The following PARD3B variants were observed in gnomAD, a reference collection of about 807,000 sequenced individuals.
PARD3B encodes par-3 family cell polarity regulator beta.
PARD3B carries 103 observed loss-of-function variants against 130.2 expected under a neutral mutation model. The ratio of observed to expected loss-of-function variants is 0.79; its 90% CI spans 0.67 to 0.93. PARD3B has a LOEUF of 0.93. Among genes scored for constraint, PARD3B ranks in the 40% least tolerant of loss-of-function variants. PARD3B has a pLI of 0.00. For synonymous variants in PARD3B, 583 were observed against 553.2 expected (o/e 1.05, Z -0.76); for missense variants, 1,609 against 1,499.2 (o/e 1.07, Z -1.21).
At chr2:204,703,875 A>G (rs1036513795) in intron 2 of PARD3B, among the ~76,000 whole-genome samples, 11 of 152,150 alleles carry the variant, frequency 7.2e-5, no homozygotes, top group Middle Eastern at 3.2e-3. Context: ...GCACATTTCT[A>G]TAATTTTTTT....
At chr2:205,381,609 C>T (rs1306119712) in intron 18 of PARD3B, among the ~76,000 whole-genome samples, 1 of 151,956 alleles carries the variant, frequency 6.6e-6, no homozygotes, top group African/African-American at 2.4e-5. Flanking sequence ...AGCGTTAATG[C>T]CAGTCTTCCC....
chr2:204,632,666 C>T (rs2034722747), intron 1 of PARD3B, among the ~76,000 whole-genome samples: 2 of 152,144 alleles, frequency 1.3e-5, no homozygotes, highest in South Asian at 4.1e-4. Flanking sequence ...GCTCACGAGA[C>T]GATCTCCTGT....
intron 2 of PARD3B, among the ~76,000 whole-genome samples, chr2:204,938,678 A>G (rs1264358386): frequency 1.3e-5 from 2 of 152,340 alleles, no homozygotes; most frequent in East Asian, 3.9e-4. Context: ...CCATTCCTCA[A>G]TATCACCCTA....
intron 2 of PARD3B, among the ~76,000 whole-genome samples, chr2:204,936,348 A>G (rs7596922): frequency 0.21 from 32,257 of 152,176 alleles, 3,615 homozygotes; most frequent in African/African-American, 0.24. Flanking sequence ...AAAACAGTAC[A>G]TTACTTATAA....
intron 1 of PARD3B, among the ~76,000 whole-genome samples, chr2:204,562,190 G>A (rs1260267777): frequency 6.6e-6 from 1 of 152,086 alleles, no homozygotes; most frequent in East Asian, 1.9e-4. Context: ...AAAGTAGTTG[G>A]GGTGTGCTAA....
chr2:204,942,575 A>C (rs1688985453), intron 2 of PARD3B, among the ~76,000 whole-genome samples: 1 of 152,082 alleles, frequency 6.6e-6, no homozygotes, highest in South Asian at 2.1e-4. Context: ...AAATTTGGAC[A>C]TCGTAACAAA....
intron 3 of PARD3B, among the ~76,000 whole-genome samples, chr2:205,008,024 TA>T (rs1695418377): frequency 1.3e-5 from 2 of 152,320 alleles, no homozygotes; most frequent in Admixed American, 1.3e-4. Context: ...TATAGCACTT[TA>T]TTTTTTTTGA....
At position 205,028,948 on chromosome 2, in the gene PARD3B, A is replaced by G. The variant is rs549099082; in HGVS notation, c.395-18633A>G. 2.6e-5 allele frequency among the ~76,000 whole-genome samples: 4 copies of G among 152,294 alleles called. No homozygotes were observed. The East Asian group carries it at 5.8e-4, about 22-fold the overall frequency. On this transcript the variant is annotated intron_variant, in intron 3 of 22. Coordinates refer to ENST00000406610, the MANE Select transcript of PARD3B (RefSeq NM_001302769.2). ...ATTTACAATAGCATCAAAAAGAGTT[A>G]AACATTTGGGAATAGATTGTAATCT...
chr2:205,089,046 C>A (rs1701926185), intron 4 of PARD3B, among the ~76,000 whole-genome samples: 1 of 151,954 alleles, frequency 6.6e-6, no homozygotes, highest in Non-Finnish European at 1.5e-5. Context: ...CGTGATCCAC[C>A]TGCCTTGGCC....
At position 205,015,428 on chromosome 2, in the gene PARD3B, A is replaced by G. The variant is rs551326063; in HGVS notation, c.395-32153A>G. 5.5e-4 allele frequency among the ~76,000 whole-genome samples: 84 copies of G among 152,328 alleles called. No individual in the cohort carries two copies. Among genetic ancestry groups the G allele is most frequent in the African/African-American group, 1.9e-3 (77 of 41,568 alleles). On this transcript the variant is annotated intron_variant, in intron 3 of 22. Coordinates refer to ENST00000406610, the MANE Select transcript of PARD3B (RefSeq NM_001302769.2). The surrounding 1 kb of genome is among the most constrained non-coding windows in gnomAD (Gnocchi z 4.5). ...CTCGAACCTGTGTTGTTCAAGGGTC[A>G]ACCATACTGACATGTTTACATGTAT...
chr2:204,640,716 G>A (rs2035046762), intron 1 of PARD3B, among the ~76,000 whole-genome samples: 1 of 152,010 alleles, frequency 6.6e-6, no homozygotes, highest in African/African-American at 2.4e-5. Flanking sequence ...CCAGGTCCCT[G>A]ACTGATAGAC....
chr2:204,734,508 C>T (rs2039659088), intron 2 of PARD3B, among the ~76,000 whole-genome samples: 1 of 152,126 alleles, frequency 6.6e-6, no homozygotes, highest in Non-Finnish European at 1.5e-5. Flanking sequence ...ACCCAAATAT[C>T]CGTCACCTGG....
In PARD3B at chr2:205,241,785, C is replaced by T. The variant is rs957769136; in HGVS notation, c.2141-3993C>T. On this transcript the variant is annotated intron_variant, in intron 15 of 22. Transcript: ENST00000406610. This position sits in a 1 kb window ranked among gnomAD's most constrained non-coding sequence, Gnocchi z 4.2. Reference sequence around the variant, plus strand: ...AATAAGTCCTTTGTTTAAAATGACACACCTGTCACATTTCATATCACTACC... The same window carrying T: ...AATAAGTCCTTTGTTTAAAATGACATACCTGTCACATTTCATATCACTACC... Among the ~76,000 whole-genome samples, 2 of 152,236 alleles carry T rather than the reference C, an allele frequency of 1.3e-5. No individual in the cohort carries two copies. The highest frequency in any genetic ancestry group is 1.9e-4 in the East Asian group (1 of 5,180).
In PARD3B at chr2:205,363,124, C is replaced by T. The variant is rs114923844; in HGVS notation, c.2631-37889C>T. Among the ~76,000 whole-genome samples the T allele has an allele frequency of 6.1e-3, 934 of 152,218 alleles. 4 individuals carry two copies. The highest frequency in any genetic ancestry group is 9.9e-3 in the Non-Finnish European group (674 of 68,004). On this transcript the variant is annotated intron_variant, in intron 18 of 22. Transcript: ENST00000406610. ...CGGTATTAAAATGCTGTGTTCTCTT[C>T]GAAATCAAGCACAGGAAGCCATCAG...
At chr2:205,133,136 G>A (rs978072892) in intron 10 of PARD3B, among the ~76,000 whole-genome samples, 1 of 152,110 alleles carries the variant, frequency 6.6e-6, no homozygotes, top group Admixed American at 6.6e-5. Context: ...GCCACAATGA[G>A]GGTTAGGATA....
At chr2:204,847,434 A>G (rs1298038485) in intron 2 of PARD3B, among the ~76,000 whole-genome samples, 1 of 152,200 alleles carries the variant, frequency 6.6e-6, no homozygotes, top group Non-Finnish European at 1.5e-5. Flanking sequence ...TAAATAGTAA[A>G]TACAGTTGTC....
intron 4 of PARD3B, among the ~76,000 whole-genome samples, chr2:205,076,161 G>A (rs148412402): frequency 6.0e-4 from 91 of 152,248 alleles, no homozygotes; most frequent in African/African-American, 2.1e-3. Context: ...TAGATTCACA[G>A]TGCAGGTTTA....
chr2:204,641,788 G>C (rs1415622547), intron 1 of PARD3B, among the ~76,000 whole-genome samples: 1 of 152,198 alleles, frequency 6.6e-6, no homozygotes, highest in Admixed American at 6.5e-5. Flanking sequence ...AGTACCAGTT[G>C]TCACAATGAT....
At chr2:204,706,992 G>T (rs1186769006) in intron 2 of PARD3B, among the ~76,000 whole-genome samples, 1 of 152,136 alleles carries the variant, frequency 6.6e-6, no homozygotes, top group Non-Finnish European at 1.5e-5. Context: ...TGTGCAATTT[G>T]CATGGCCTGT....
Sources: allele counts gnomAD v4.1 joint callset (sites outside exome capture counted in the v4.1 genomes callset), GRCh38; gene constraint gnomAD v4.1.1; non-coding constraint Gnocchi (gnomAD v3.1); transcripts MANE v1.5; gene names NCBI Gene and HGNC (gene_info 2026-07-23, HGNC 2026-07-21).